Variants in PKIB observed in about 807,000 individuals in gnomAD.
PKIB encodes the protein cAMP-dependent protein kinase inhibitor beta, also known as PKI-beta.
In PKIB, 2 loss-of-function variants were observed where a neutral mutation model predicts 4.5. That is an observed-to-expected ratio of 0.44 (90% CI 0.18 to 1.39). The LOEUF is 1.39. PKIB is among the 40% of genes most tolerant of loss of function. PKIB has a pLI of 0.27. For synonymous variants in PKIB, 38 were observed against 36.0 expected, an observed-to-expected ratio of 1.06 and a Z score of -0.20; for missense variants, 94 against 92.6, an observed-to-expected ratio of 1.02 and a Z score of -0.06.
intron 1 of PKIB, among the ~76,000 whole-genome samples, chr6:122,473,502 A>T (rs1362209464): frequency 6.6e-6 from 1 of 152,212 alleles, no homozygotes. Context: ...CATTAAAAAA[A>T]ATTTACTTTT....
chr6:122,625,343 T>A (rs966322482), intron 1 of PKIB, among the ~76,000 whole-genome samples: 2 of 152,226 alleles, frequency 1.3e-5, no homozygotes, highest in Admixed American at 6.5e-5. Context: ...TGTATATTTT[T>A]AAATCAACTA....
intron 2 of PKIB, among the ~76,000 whole-genome samples, chr6:122,491,385 C>A (rs1268423150): frequency 6.6e-6 from 1 of 152,154 alleles, no homozygotes; most frequent in Non-Finnish European, 1.5e-5. Context: ...CACCCAATTC[C>A]TGAGATCTTT....
chr6:122,720,762 C>T (rs934587936), intron 4 of PKIB, among the ~76,000 whole-genome samples: 5 of 151,374 alleles, frequency 3.3e-5, no homozygotes, highest in Admixed American at 3.3e-4. Context: ...AGTGCAATGG[C>T]GTCATCTTGG....
intron 2 of PKIB, among the ~76,000 whole-genome samples, chr6:122,654,870 A>T (rs1324055188): frequency 6.6e-6 from 1 of 152,054 alleles, no homozygotes; most frequent in Non-Finnish European, 1.5e-5. Flanking sequence ...GACTCATGTT[A>T]GGTCACTTTT....
intron 2 of PKIB, among the ~76,000 whole-genome samples, chr6:122,572,709 A>G (rs1773407567): frequency 6.6e-6 from 1 of 152,110 alleles, no homozygotes; most frequent in Non-Finnish European, 1.5e-5. Context: ...GATAAACAAA[A>G]TTGATAAACT....
rs1562249215 is a variant in PKIB at position 122,553,478 on chromosome 6, C to CTTTTTTTTTTTTTTTT, written c.-247-32441_-247-32440insTTTTTTTTTTTTTTTT. Among the ~76,000 whole-genome samples the CTTTTTTTTTTTTTTTT allele has an allele frequency of 4.1e-4, 20 of 48,912 alleles. 1 individual carries two copies. The East Asian group carries it at 5.3e-3, about 13-fold the overall frequency. The allele number at this position is 48,912 out of a possible 152,430, so 32.1% of individuals were successfully genotyped here. On this transcript the variant is annotated intron_variant, in intron 2 of 6. Coordinates refer to the PKIB transcript ENST00000392491. ...TCATCTCTCAAGATTGCTCAAATAT[C>CTTTTTTTTTTTTTTTT]TTCTTTTTTTTTTTTTTTTTTTTTT...
chr6:122,493,375 C>T (rs1775990067), intron 2 of PKIB: 2 of 152,176 alleles, frequency 1.3e-5, no homozygotes, highest in Admixed American at 1.3e-4. Flanking sequence ...TCTGCTGGCA[C>T]CTTGACTTCT....
At chr6:122,649,766 A>G (rs1453191075) in intron 2 of PKIB, among the ~76,000 whole-genome samples, 1 of 152,152 alleles carries the variant, frequency 6.6e-6, no homozygotes, top group African/African-American at 2.4e-5. Flanking sequence ...TAGCAGGCAA[A>G]AAGCTGTTTC....
At chr6:122,618,266 A>C (rs1160789765) in intron 1 of PKIB, among the ~76,000 whole-genome samples, 1 of 152,178 alleles carries the variant, frequency 6.6e-6, no homozygotes. Flanking sequence ...CAAGGGCAGT[A>C]TGTGCTTACT....
At chr6:122,510,807 T>A (rs541354546) in intron 2 of PKIB, among the ~76,000 whole-genome samples, 292 of 152,238 alleles carry the variant, frequency 1.9e-3, no homozygotes, top group African/African-American at 7.0e-3. Context: ...AATTGTTCCT[T>A]CACTGTAATG....
intron 3 of PKIB, among the ~76,000 whole-genome samples, chr6:122,707,142 A>C (rs1335236432): frequency 6.6e-6 from 1 of 152,102 alleles, no homozygotes; most frequent in Non-Finnish European, 1.5e-5. Context: ...AATTTGATGA[A>C]AAAATATTTC....
chr6:122,678,339 C>T (rs1777765526), intron 3 of PKIB, among the ~76,000 whole-genome samples: 3 of 152,158 alleles, frequency 2.0e-5, no homozygotes, highest in African/African-American at 7.2e-5. Context: ...AGGGATTGCT[C>T]ATACTCACCT....
At position 122,551,874 on chromosome 6, in the gene PKIB, C is replaced by CT. The variant is rs61025863; in HGVS notation, c.-247-34022dup. ...GGAAGGAATCTTTGACTTAGTACAT[C>CT]TTTTTTTTTTTTTTTTTTTTTTTTT... On this transcript the variant is annotated intron_variant, in intron 2 of 6. Transcript: ENST00000392491. 8.7e-3 allele frequency among the ~76,000 whole-genome samples: 762 copies of CT among 87,468 alleles called. 14 individuals are homozygous for CT. Among genetic ancestry groups the CT allele is most frequent in the African/African-American group, 0.015 (355 of 23,502 alleles). 57.4% of individuals were successfully genotyped at this position (87,468 alleles called of 152,430 possible).
intron 2 of PKIB, chr6:122,478,453 C>G (rs1775509760): frequency 6.6e-6 from 1 of 152,226 alleles, no homozygotes; most frequent in Admixed American, 6.5e-5. Context: ...ATTTCCACTT[C>G]CCAGCAATAC....
intron 2 of PKIB, among the ~76,000 whole-genome samples, chr6:122,501,023 C>T (rs1776217192): frequency 6.6e-6 from 1 of 152,132 alleles, no homozygotes; most frequent in African/African-American, 2.4e-5. Context: ...CCTCTCCCAA[C>T]ACGTGGGGAT....
At chr6:122,580,017 C>G (rs969740844) in intron 2 of PKIB, among the ~76,000 whole-genome samples, 4 of 152,010 alleles carry the variant, frequency 2.6e-5, no homozygotes, top group African/African-American at 9.7e-5. Context: ...AAATTAATAC[C>G]TCTCATTTAA....
intron 2 of PKIB, among the ~76,000 whole-genome samples, chr6:122,664,593 G>A (rs1000174380): frequency 1.3e-5 from 2 of 151,900 alleles, no homozygotes; most frequent in Admixed American, 1.3e-4. Flanking sequence ...TCTATTTTTT[G>A]TAGAGGTAAA....
intron 1 of PKIB, among the ~76,000 whole-genome samples, chr6:122,620,455 A>G (rs894218636): frequency 2.0e-5 from 3 of 152,232 alleles, no homozygotes; most frequent in African/African-American, 7.2e-5. Flanking sequence ...CTTAACACAG[A>G]TAGGCTAATA....
At chr6:122,633,555 T>C (rs1196039128) in intron 2 of PKIB, among the ~76,000 whole-genome samples, 188 bp downstream of exon 2, 1 of 152,206 alleles carries the variant, frequency 6.6e-6, no homozygotes, top group African/African-American at 2.4e-5. Context: ...TTCTAATTAA[T>C]AGCAAACGAT....
Sources: allele counts gnomAD v4.1 joint callset (sites outside exome capture counted in the v4.1 genomes callset), GRCh38; gene constraint gnomAD v4.1.1; transcripts MANE v1.5; gene names NCBI Gene and HGNC (gene_info 2026-07-23, HGNC 2026-07-21).